Variants in ENTREP2 observed in about 807,000 individuals in gnomAD.
ENTREP2 encodes the protein protein ENTREP2.
At chr15:29,367,487 T>C in the ENTREP2 span, among the ~76,000 whole-genome samples, 1 of 152,186 alleles carries the variant, frequency 6.6e-6, no homozygotes, top group Non-Finnish European at 1.5e-5. Flanking sequence ...AATCAGTAGA[T>C]AATAGTTGGG....
chr15:29,212,359 T>C, the ENTREP2 span, among the ~76,000 whole-genome samples: 1 of 152,092 alleles, frequency 6.6e-6, no homozygotes, highest in African/African-American at 2.4e-5. Flanking sequence ...CTTATTTGGG[T>C]TTTCTCTCTT....
chr15:29,234,977 A>G, the ENTREP2 span: 2 of 1,453,926 alleles, frequency 1.4e-6, no homozygotes, highest in Non-Finnish European at 1.9e-6. Flanking sequence ...GATTGTATTA[A>G]CACAGCCATC....
chr15:29,228,362 T>C, the ENTREP2 span, among the ~76,000 whole-genome samples: 1 of 152,100 alleles, frequency 6.6e-6, no homozygotes, highest in South Asian at 2.1e-4. Flanking sequence ...AAATACTGTA[T>C]GCTTCCACTT....
chr15:29,211,384 C>T, the ENTREP2 span, among the ~76,000 whole-genome samples: 1 of 152,206 alleles, frequency 6.6e-6, no homozygotes, highest in Non-Finnish European at 1.5e-5. Flanking sequence ...CCAGCATGAC[C>T]CAGCCCCTGT....
At chr15:29,439,338 G>A in the ENTREP2 span, among the ~76,000 whole-genome samples, 1 of 140,706 alleles carries the variant, frequency 7.1e-6, no homozygotes, top group Non-Finnish European at 1.5e-5. Flanking sequence ...CACACAAACA[G>A]TAGAGGGTGG....
chr15:29,208,053 G>C, the ENTREP2 span, among the ~76,000 whole-genome samples: 1 of 152,096 alleles, frequency 6.6e-6, no homozygotes. Flanking sequence ...TACAAATGCC[G>C]GGACTTCTGA....
At chr15:29,542,660 T>G in the ENTREP2 span, among the ~76,000 whole-genome samples, 1 of 152,184 alleles carries the variant, frequency 6.6e-6, no homozygotes, top group African/African-American at 2.4e-5. Context: ...CACATTGTTG[T>G]GCAACCATCA....
chr15:29,375,078 G>A, the ENTREP2 span: 1 of 152,074 alleles, frequency 6.6e-6, no homozygotes, highest in African/African-American at 2.4e-5. Flanking sequence ...ACTTTGCTCT[G>A]GGACACAGGT....
chr15:29,361,627 C>A, the ENTREP2 span, among the ~76,000 whole-genome samples: 1 of 152,168 alleles, frequency 6.6e-6, no homozygotes, highest in African/African-American at 2.4e-5. Flanking sequence ...GGCTCAGGGC[C>A]CTGTGCAATG....
At chr15:29,336,952 C>T in the ENTREP2 span, among the ~76,000 whole-genome samples, 1 of 152,206 alleles carries the variant, frequency 6.6e-6, no homozygotes, top group Non-Finnish European at 1.5e-5. Context: ...CCCTCTCTGA[C>T]CCCAGCAGCT....
the ENTREP2 span, among the ~76,000 whole-genome samples, chr15:29,522,094 C>A: frequency 1.4e-4 from 21 of 152,262 alleles, no homozygotes; most frequent in East Asian, 3.5e-3. Context: ...ATGAAATAAA[C>A]CTCAATCCAT....
chr15:29,197,357 C>A, the ENTREP2 span, among the ~76,000 whole-genome samples: 1 of 152,142 alleles, frequency 6.6e-6, no homozygotes, highest in South Asian at 2.1e-4. Flanking sequence ...CAGGCCAGGG[C>A]AGGAGGATTG....
chr15:29,524,629 C>T, the ENTREP2 span, among the ~76,000 whole-genome samples: 2 of 152,210 alleles, frequency 1.3e-5, no homozygotes, highest in African/African-American at 4.8e-5. Context: ...GGCACTCAGC[C>T]GTGCAGGAAC....
the ENTREP2 span, among the ~76,000 whole-genome samples, chr15:29,170,580 C>CTGTG: frequency 6.7e-6 from 1 of 149,724 alleles, no homozygotes; most frequent in African/African-American, 2.4e-5. Context: ...CACAACAAGA[C>CTGTG]TGTGTGTGTG....
chr15:29,159,360 A>G, the ENTREP2 span, among the ~76,000 whole-genome samples: 1 of 152,196 alleles, frequency 6.6e-6, no homozygotes, highest in African/African-American at 2.4e-5. Context: ...CATAAAGGCA[A>G]GGTGGACCGA....
At chr15:29,503,383 G>T in the ENTREP2 span, among the ~76,000 whole-genome samples, 1,041 of 152,260 alleles carry the variant, frequency 6.8e-3, 7 homozygotes, top group African/African-American at 0.024. Flanking sequence ...ATGTCCAGAA[G>T]AGGCAAAATC....
At chr15:29,527,229 G>A in the ENTREP2 span, among the ~76,000 whole-genome samples, 4 of 152,078 alleles carry the variant, frequency 2.6e-5, no homozygotes, top group Non-Finnish European at 1.5e-5. Flanking sequence ...AATGCCATCC[G>A]TATGCACCTG....
the ENTREP2 span, among the ~76,000 whole-genome samples, chr15:29,604,860 G>A: frequency 2.6e-5 from 4 of 152,176 alleles, no homozygotes; most frequent in African/African-American, 7.2e-5. Flanking sequence ...GCCCCCAAAG[G>A]GTGGAAGAGC....
At chr15:29,270,848 C>G in the ENTREP2 span, among the ~76,000 whole-genome samples, 1 of 152,194 alleles carries the variant, frequency 6.6e-6, no homozygotes, top group Non-Finnish European at 1.5e-5. Flanking sequence ...AAAGAAGAAA[C>G]TGAATTTCCC....
Sources: gnomAD v4.1 joint callset for allele counts (sites outside exome capture counted in the v4.1 genomes callset) on GRCh38, gnomAD v4.1.1 for gene constraint, MANE v1.5 for transcripts, NCBI Gene and HGNC (gene_info 2026-07-23, HGNC 2026-07-21) for gene names.